The following CFAP77 variants were observed in gnomAD, a reference collection of about 807,000 sequenced individuals.
CFAP77 encodes the protein cilia and flagella associated protein 77, also known as cilia- and flagella-associated protein 77.
In CFAP77, 25 loss-of-function variants were observed where a neutral mutation model predicts 31.1. That is an observed-to-expected ratio of 0.80 (90% CI 0.59 to 1.12). CFAP77 has a LOEUF of 1.12. CFAP77 is among the 50% of genes most tolerant of loss of function. The pLI is 0.00. For synonymous variants in CFAP77, 151 were observed against 159.9 expected (o/e 0.94, Z 0.42); for missense variants, 377 against 397.3 (o/e 0.95, Z 0.44).
rs964681094 is a variant in CFAP77, at chr9:132,490,869, G to C, written c.196-7826G>C. On this transcript the variant is annotated intron_variant, in intron 1 of 5. Transcript: ENST00000393216. The surrounding 1 kb of genome is among the most constrained non-coding windows in gnomAD (Gnocchi z 4.6). ...AAATCAATGTCCGGCCGGGGCCACT[G>C]TCTGCATGGCGTCTGCGTGTTCTCC... is the stretch of plus-strand genomic sequence containing the variant. 1.3e-5 allele frequency among the ~76,000 whole-genome samples: 2 copies of C among 152,202 alleles called. No homozygotes were observed. The highest frequency in any genetic ancestry group is 1.3e-4 in the Admixed American group (2 of 15,290).
intron 1 of CFAP77, among the ~76,000 whole-genome samples, chr9:132,459,764 ATGAG>A (rs1284559637): frequency 4.8e-5 from 7 of 145,468 alleles, no homozygotes; most frequent in African/African-American, 1.1e-4. Context: ...ATGTGTGTGT[ATGAG>A]TGTGTGTGAG....
At chr9:132,566,873 T>C (rs544857883) in intron 5 of CFAP77, among the ~76,000 whole-genome samples, 38 of 152,220 alleles carry the variant, frequency 2.5e-4, no homozygotes, top group Non-Finnish European at 4.9e-4. Flanking sequence ...CCTCCTGGCA[T>C]GAGAAGTCCT....
intron 1 of CFAP77, among the ~76,000 whole-genome samples, chr9:132,444,167 C>T (rs1318879594): frequency 6.6e-6 from 1 of 152,236 alleles, no homozygotes; most frequent in Non-Finnish European, 1.5e-5. Context: ...GGCTTTGCAG[C>T]TCCGTGGGAA....
At chr9:132,422,060 G>A (rs1850225312) in intron 1 of CFAP77, among the ~76,000 whole-genome samples, 1 of 151,798 alleles carries the variant, frequency 6.6e-6, no homozygotes, top group African/African-American at 2.4e-5. Flanking sequence ...CCAGGCTGGA[G>A]TGCAATGGCA....
At chr9:132,438,393 G>C (rs558680113) in intron 1 of CFAP77, among the ~76,000 whole-genome samples, 1 of 150,916 alleles carries the variant, frequency 6.6e-6, no homozygotes, top group African/African-American at 2.4e-5. Context: ...GACTGATTTT[G>C]TATACCATTG....
At chr9:132,443,384 G>A (rs1462699577) in intron 1 of CFAP77, among the ~76,000 whole-genome samples, 2 of 151,542 alleles carry the variant, frequency 1.3e-5, no homozygotes, top group Admixed American at 6.6e-5. Flanking sequence ...CTCCCTAGTT[G>A]CTGGGATTAC....
rs1289806563 is a variant in CFAP77 at position 132,517,826 on chromosome 9, T to C, written c.524+18226T>C. ...ATTTCCATTTCCCCTGCACATCCCC[T>C]GTGCCTGCATCGGAGATCAACCCCT... is the stretch of plus-strand genomic sequence containing the variant. On this transcript the variant is annotated intron_variant, in intron 3 of 5. Transcript: ENST00000393216. The surrounding 1 kb of genome is among the most constrained non-coding windows in gnomAD (Gnocchi z 4.7). 5.3e-5 allele frequency among the ~76,000 whole-genome samples: 8 copies of C among 152,214 alleles called. No homozygotes were observed. The highest frequency in any genetic ancestry group is 2.9e-5 in the Non-Finnish European group (2 of 68,048).
At chr9:132,464,361 T>TA (rs970983367) in intron 1 of CFAP77, among the ~76,000 whole-genome samples, 140 of 147,120 alleles carry the variant, frequency 9.5e-4, no homozygotes, top group African/African-American at 2.7e-3. Flanking sequence ...CACCCCAATT[T>TA]AAAAAAAAAA....
chr9:132,550,105 CCA>C (rs1315025634), intron 5 of CFAP77, among the ~76,000 whole-genome samples: 4 of 152,134 alleles, frequency 2.6e-5, no homozygotes, highest in African/African-American at 9.7e-5. Flanking sequence ...CCTGCAGAGG[CCA>C]ACAGTGAAGG....
intron 3 of CFAP77, among the ~76,000 whole-genome samples, chr9:132,507,153 AAC>A (rs1851944594): frequency 6.6e-6 from 1 of 152,316 alleles, no homozygotes; most frequent in East Asian, 1.9e-4. Context: ...GATAAACTCA[AAC>A]TTCTTGTCAG....
chr9:132,541,647 C>T (rs1852643691), intron 4 of CFAP77, among the ~76,000 whole-genome samples: 1 of 152,102 alleles, frequency 6.6e-6, no homozygotes, highest in Non-Finnish European at 1.5e-5. Flanking sequence ...TTGCTTGAAC[C>T]CGGGAGCCTA....
intron 1 of CFAP77, among the ~76,000 whole-genome samples, chr9:132,449,383 A>G (rs1178086340): frequency 6.6e-6 from 1 of 151,258 alleles, no homozygotes; most frequent in Non-Finnish European, 1.5e-5. Context: ...TTTTGTTGCT[A>G]CAGTTTTGTT....
intron 3 of CFAP77, among the ~76,000 whole-genome samples, chr9:132,506,875 G>A (rs1379048631): frequency 6.6e-6 from 1 of 152,208 alleles, no homozygotes; most frequent in Non-Finnish European, 1.5e-5. Context: ...TGCAGTGCGA[G>A]GAGGATTAGT....
At chr9:132,492,191 G>C (rs1589884045) in intron 1 of CFAP77, among the ~76,000 whole-genome samples, 1 of 152,166 alleles carries the variant, frequency 6.6e-6, no homozygotes, top group East Asian at 1.9e-4. Context: ...TGGAGGCTGA[G>C]GTGGGAGGAT....
rs73659061 is a variant in CFAP77, at chr9:132,497,649, G to T, written c.196-1046G>T. On this transcript the variant is annotated intron_variant, in intron 1 of 5. Coordinates refer to ENST00000393216, the MANE Select transcript of CFAP77 (RefSeq NM_001282957.2). The surrounding 1 kb of genome is among the most constrained non-coding windows in gnomAD (Gnocchi z 4.9). Reference sequence around the variant, plus strand: ...CCAGCTCTGCCACTTCCTACTGCTTGACCTGAGGCAACCTGTCGGATCTCT... The same window carrying T: ...CCAGCTCTGCCACTTCCTACTGCTTTACCTGAGGCAACCTGTCGGATCTCT... Among the ~76,000 whole-genome samples the T allele has an allele frequency of 4.3e-3, 647 of 152,232 alleles. 7 individuals are homozygous for T. Among genetic ancestry groups the T allele is most frequent in the African/African-American group, 0.015 (605 of 41,538 alleles).
At chr9:132,410,616 C>T (rs1849974706) in intron 1 of CFAP77, 150 bp downstream of exon 1, 1 of 654,172 alleles carries the variant, frequency 1.5e-6, no homozygotes, top group Non-Finnish European at 2.5e-6. Flanking sequence ...AGGCCTGGAC[C>T]CCCATGCAGG....
chr9:132,518,447 T>G (rs1852188427), intron 3 of CFAP77, among the ~76,000 whole-genome samples: 2 of 152,158 alleles, frequency 1.3e-5, no homozygotes. Flanking sequence ...GGCTCTCCTG[T>G]CTGGCTACTC....
At chr9:132,457,503 C>A (rs1378685664) in intron 1 of CFAP77, among the ~76,000 whole-genome samples, 1 of 152,070 alleles carries the variant, frequency 6.6e-6, no homozygotes, top group African/African-American at 2.4e-5. Context: ...ATTCGTTTTC[C>A]CCAGAAATGG....
chr9:132,497,594 A>G lies in CFAP77; in HGVS notation c.196-1101A>G, dbSNP rs925313780. Among the ~76,000 whole-genome samples the G allele has an allele frequency of 6.6e-6, 1 of 152,122 alleles. No homozygotes were observed. The highest frequency in any genetic ancestry group is 1.5e-5 in the Non-Finnish European group (1 of 68,024). On this transcript the variant is annotated intron_variant, in intron 1 of 5. Transcript: ENST00000393216. This position sits in a 1 kb window ranked among gnomAD's most constrained non-coding sequence, Gnocchi z 4.9. Reference sequence around the variant, plus strand: ...TCTTTGGCTTGTGGATCTGAGCATGAGCTGGGGGCAGCCAGCCTGGGTTCC... The same window carrying G: ...TCTTTGGCTTGTGGATCTGAGCATGGGCTGGGGGCAGCCAGCCTGGGTTCC...
Sources: allele counts gnomAD v4.1 joint callset (sites outside exome capture counted in the v4.1 genomes callset), GRCh38; gene constraint gnomAD v4.1.1; non-coding constraint Gnocchi (gnomAD v3.1); transcripts MANE v1.5; gene names NCBI Gene and HGNC (gene_info 2026-07-23, HGNC 2026-07-21).